The following TRAF3IP1 variants were observed in gnomAD, a reference collection of about 807,000 sequenced individuals.
The protein encoded by TRAF3IP1 is intraflagellar transport 54.
TRAF3IP1 carries 53 observed loss-of-function variants against 89.9 expected under a neutral mutation model. That is an observed-to-expected ratio of 0.59 (90% CI 0.47 to 0.74). TRAF3IP1 has a LOEUF of 0.74. TRAF3IP1 is among the 30% of genes least tolerant of loss of function. The pLI, the probability that TRAF3IP1 is intolerant of heterozygous loss-of-function variation, is 0.00. For missense variants in TRAF3IP1, 806 were observed against 866.1 expected, an observed-to-expected ratio of 0.93 and a Z score of 0.87; for synonymous variants, 311 against 322.1, an observed-to-expected ratio of 0.97 and a Z score of 0.37.
At chr2:238,357,194 C>T (rs1188181543) in intron 15 of TRAF3IP1, among the ~76,000 whole-genome samples, 1 of 152,218 alleles carries the variant, frequency 6.6e-6, no homozygotes, top group Non-Finnish European at 1.5e-5. Context: ...TTGCCAGCCA[C>T]TACCCTTTCC....
At chr2:238,361,444 T>C (rs1447484772) in intron 15 of TRAF3IP1, among the ~76,000 whole-genome samples, 1 of 152,218 alleles carries the variant, frequency 6.6e-6, no homozygotes, top group Non-Finnish European at 1.5e-5. Context: ...TTTTTGATTT[T>C]GTCTGAAGAA....
rs778026365 is a variant in TRAF3IP1 at position 238,328,755 on chromosome 2, C to T, written c.424C>T (p.Leu142=). The change falls in exon 4 of 17, where the codon CTG becomes TTG. Residue 142 remains leucine (L), a synonymous_variant. Coordinates refer to ENST00000373327, the MANE Select transcript of TRAF3IP1 (RefSeq NM_015650.4). ...GGGAGAAGTGAAAGGCCGGGCCTCA[C>T]TGACCTCAAGATCTCAGGAATTGGA... The part of the protein sequence containing the change: ...EKGEVKGRAS[L]TSRSQELDNK... The T allele has an allele frequency of 1.9e-5, 30 of 1,614,046 alleles. No individual in the cohort carries two copies. The highest frequency in any genetic ancestry group is 2.4e-5 in the Non-Finnish European group (28 of 1,179,992).
At chr2:238,398,391 G>A (rs62196701) in intron 16 of TRAF3IP1, among the ~76,000 whole-genome samples, 26,806 of 134,274 alleles carry the variant, frequency 0.2, 3,105 homozygotes, top group Non-Finnish European at 0.27. Context: ...TAGGGGTGTA[G>A]CGGAGTGGGG....
chr2:238,323,714 A>G (rs895619372), intron 1 of TRAF3IP1, among the ~76,000 whole-genome samples: 10 of 152,240 alleles, frequency 6.6e-5, no homozygotes, highest in Non-Finnish European at 1.3e-4. Context: ...TCCTTACCAC[A>G]TACCATGCAG....
At chr2:238,349,106 G>A (rs571973636) in intron 11 of TRAF3IP1, among the ~76,000 whole-genome samples, 1 of 152,136 alleles carries the variant, frequency 6.6e-6, no homozygotes, top group Non-Finnish European at 1.5e-5. Flanking sequence ...ACAGTTGTTG[G>A]TATTTTGAAA....
At chr2:238,361,699 A>G (rs1011722187) in intron 15 of TRAF3IP1, among the ~76,000 whole-genome samples, 8 of 147,704 alleles carry the variant, frequency 5.4e-5, no homozygotes, top group African/African-American at 2.0e-4. Context: ...ATGTTCCTCC[A>G]CTCCTCCCCG....
At chr2:238,338,697 T>G (rs565321655) in intron 8 of TRAF3IP1, among the ~76,000 whole-genome samples, 1 of 152,368 alleles carries the variant, frequency 6.6e-6, no homozygotes, top group African/African-American at 2.4e-5. Context: ...CATAGATTAT[T>G]TTTACATTTC....
Position 238,332,807 on chromosome 2 carries a change from T to A in TRAF3IP1, c.916-17T>A. On this transcript the variant is annotated splice_polypyrimidine_tract_variant and intron_variant, in intron 5 of 16. Transcript: ENST00000373327. Reference sequence around the variant, plus strand: ...TTGGAATAATTCTAAAGTTTGAATTTTTTTTTTTTTTAATAGTCAGCAAGC... The same window carrying A: ...TTGGAATAATTCTAAAGTTTGAATTATTTTTTTTTTTAATAGTCAGCAAGC... 11 of 1,575,162 alleles carry A rather than the reference T, an allele frequency of 7.0e-6. No homozygotes were observed. Among genetic ancestry groups the A allele is most frequent in the Non-Finnish European group, 9.5e-6 (11 of 1,157,650 alleles).
rs1574988567 is a variant in TRAF3IP1, at chr2:238,399,752, A to G, written c.*833A>G. The G allele has an allele frequency of 6.6e-6, 1 of 152,080 alleles. No homozygotes were observed. The highest frequency in any genetic ancestry group is 1.5e-5 in the Non-Finnish European group (1 of 68,026). The allele number at this position is 152,080 out of a possible 1,614,324, so 9.4% of individuals were successfully genotyped here. A position where few individuals can be genotyped will look rare whatever the true frequency, so the allele number is the denominator to read the frequency against. ...ATTGGCGCCATGGCTTTTCCTTTGC[A>G]TGGGTGTGCATACCGAGAGACAGGC... On this transcript the variant is annotated 3_prime_UTR_variant, in exon 17 of 17. Transcript: ENST00000373327.
rs750691845 is a variant in TRAF3IP1 at position 238,325,892 on chromosome 2, A to C, written c.276A>C (p.Pro92=). ...MVSGEPLLAK[P]ARIVAGHEPE... ...CGGGAGAGCCACTGTTGGCCAAACC[A>C]GCCCGAATCGTGGCGGGGCATGAGC... Residue 92 remains proline (P), a synonymous_variant, in exon 3 of 17, where the codon CCA becomes CCC. Coordinates refer to ENST00000373327, the MANE Select transcript of TRAF3IP1 (RefSeq NM_015650.4). 25 of 1,614,270 alleles carry C rather than the reference A, an allele frequency of 1.5e-5. No individual in the cohort carries two copies. The highest frequency in any genetic ancestry group is 2.1e-5 in the Non-Finnish European group (25 of 1,180,054).
At chr2:238,350,790 G>A (rs1699115037) in intron 12 of TRAF3IP1, among the ~76,000 whole-genome samples, 1 of 152,130 alleles carries the variant, frequency 6.6e-6, no homozygotes, top group African/African-American at 2.4e-5. Context: ...TGGTGTGGCG[G>A]GGCCTGTTCT....
intron 15 of TRAF3IP1, among the ~76,000 whole-genome samples, chr2:238,363,141 T>G (rs966946809): frequency 6.6e-6 from 1 of 152,236 alleles, no homozygotes; most frequent in African/African-American, 2.4e-5. Context: ...TAGCAAAGAA[T>G]CAACTTTCAG....
chr2:238,333,882 G>A (rs895584047), intron 6 of TRAF3IP1, 78 bp from the exon 7 acceptor site: 6 of 1,203,126 alleles, frequency 5.0e-6, no homozygotes, highest in Admixed American at 2.2e-5. Flanking sequence ...TCCTCAAGAA[G>A]AGCTTGAAAA....
intron 7 of TRAF3IP1, among the ~76,000 whole-genome samples, chr2:238,337,965 T>C (rs766706536): frequency 4.6e-5 from 7 of 152,146 alleles, no homozygotes; most frequent in Non-Finnish European, 1.0e-4. Flanking sequence ...ATACAAGTGA[T>C]GTTTACGGAC....
rs1051085392 is a variant in TRAF3IP1 at position 238,351,683 on chromosome 2, G to A, written c.1452-1144G>A. Among the ~76,000 whole-genome samples, 1 of 152,130 alleles carries A rather than the reference G, an allele frequency of 6.6e-6. No homozygotes were observed. Among genetic ancestry groups the A allele is most frequent in the African/African-American group, 2.4e-5 (1 of 41,420 alleles). Reference sequence around the variant, plus strand: ...GGTTCGAAGTGAGGTTGGTCCTGGCGGAGCCACACAGGTGGTTGTTGAGTG... The same window carrying A: ...GGTTCGAAGTGAGGTTGGTCCTGGCAGAGCCACACAGGTGGTTGTTGAGTG... On this transcript the variant is annotated intron_variant, in intron 12 of 16. Coordinates refer to ENST00000373327, the MANE Select transcript of TRAF3IP1 (RefSeq NM_015650.4). The surrounding 1 kb of genome is among the most constrained non-coding windows in gnomAD (Gnocchi z 5.2).
At chr2:238,341,064 A>G (rs1164087634) in intron 8 of TRAF3IP1, among the ~76,000 whole-genome samples, 1 of 152,108 alleles carries the variant, frequency 6.6e-6, no homozygotes, top group East Asian at 1.9e-4. Flanking sequence ...TCTGTCACTC[A>G]GCCTGGAGTG....
At chr2:238,380,970 C>T (rs1700521614) in intron 15 of TRAF3IP1, among the ~76,000 whole-genome samples, 1 of 152,094 alleles carries the variant, frequency 6.6e-6, no homozygotes, top group Non-Finnish European at 1.5e-5. Context: ...GTGCTTGAAA[C>T]CAGTTTTTCC....
In TRAF3IP1 at chr2:238,345,993, G is replaced by A. The variant is rs946193447; in HGVS notation, c.1261+1395G>A. 2.0e-5 allele frequency among the ~76,000 whole-genome samples: 3 copies of A among 152,144 alleles called. No individual in the cohort carries two copies. The highest frequency in any genetic ancestry group is 4.4e-5 in the Non-Finnish European group (3 of 68,022). On this transcript the variant is annotated intron_variant, in intron 9 of 16. Coordinates refer to ENST00000373327, the MANE Select transcript of TRAF3IP1 (RefSeq NM_015650.4). The surrounding 1 kb of genome is among the most constrained non-coding windows in gnomAD (Gnocchi z 4.7). ...GACTTTCCTTCTGGGTATCGGCCTT[G>A]TGGTTGAATAACTGCACCTCTCAGG... is the stretch of plus-strand genomic sequence containing the variant.
intron 10 of TRAF3IP1, among the ~76,000 whole-genome samples, chr2:238,348,530 T>G (rs1245124481): frequency 6.6e-6 from 1 of 152,192 alleles, no homozygotes; most frequent in African/African-American, 2.4e-5. Context: ...TTGAACCAGT[T>G]TGTATTCCCT....
Sources: allele counts gnomAD v4.1 joint callset (sites outside exome capture counted in the v4.1 genomes callset), GRCh38; gene constraint gnomAD v4.1.1; non-coding constraint Gnocchi (gnomAD v3.1); transcripts MANE v1.5; gene names NCBI Gene and HGNC (gene_info 2026-07-23, HGNC 2026-07-21).